ARHGAP17: variants seen among roughly 807,000 people sequenced by gnomAD.
ARHGAP17 encodes Rho GTPase activating protein 17.
ARHGAP17 carries 57 observed loss-of-function variants against 99.5 expected under a neutral mutation model. The observed-to-expected ratio is 0.57, with a 90% CI of 0.46 to 0.71. The LOEUF is 0.71. ARHGAP17 is among the 30% of genes least tolerant of loss of function. ARHGAP17 has a pLI of 0.00. For synonymous variants in ARHGAP17, 417 were observed against 429.6 expected (o/e 0.97, Z 0.36); for missense variants, 1,000 against 1,122.4 (o/e 0.89, Z 1.56).
rs1343285910 is a variant in ARHGAP17, at chr16:24,968,687, C to T, written c.358G>A (p.Val120Met). ...QHEVFVEKEI[V>M]DPLYGIAEVE... ...TCAGCTATGCCGTACAGAGGGTCCA[C>T]GATCTCCTTCTCAACAAAGACTTCG... Residue 120 changes from valine to methionine, a missense_variant, in exon 5 of 20, where the codon GTG (valine) becomes ATG (methionine). By Grantham distance (21) the Val-to-Met change is conservative. Transcript: ENST00000289968. The T allele has an allele frequency of 3.7e-6, 6 of 1,614,202 alleles. No individual in the cohort carries two copies. Among genetic ancestry groups the T allele is most frequent in the South Asian group, 1.1e-5 (1 of 91,082 alleles).
chr16:24,949,352 G>T, intron 13 of ARHGAP17, 52 bp downstream of exon 13: 1 of 1,407,882 alleles, frequency 7.1e-7, no homozygotes, highest in South Asian at 1.2e-5. Flanking sequence ...CTTCTCTGCT[G>T]GGCATTAAAC....
Position 24,943,425 on chromosome 16 carries a change from C to T in ARHGAP17, c.1333+346G>A, listed in dbSNP as rs575197884. Among the ~76,000 whole-genome samples, 4 of 152,326 alleles carry T rather than the reference C, an allele frequency of 2.6e-5. No homozygotes were observed. The South Asian group carries it at 8.3e-4, about 32-fold the overall frequency. Reference sequence around the variant, plus strand: ...AAATCTTTCTCCATCCACCTATCTTCTAATGTGCCTTGTGTTATAATTTAT... The same window carrying T: ...AAATCTTTCTCCATCCACCTATCTTTTAATGTGCCTTGTGTTATAATTTAT... On this transcript the variant is annotated intron_variant, in intron 15 of 19. Transcript: ENST00000289968.
At chr16:24,985,970 T>C (rs1399309854) in intron 1 of ARHGAP17, among the ~76,000 whole-genome samples, 1 of 152,174 alleles carries the variant, frequency 6.6e-6, no homozygotes, top group Non-Finnish European at 1.5e-5. Context: ...ATTCTGTGGA[T>C]ATACCATGTT....
intron 16 of ARHGAP17, among the ~76,000 whole-genome samples, chr16:24,940,690 G>C (rs2051288112): frequency 6.6e-6 from 1 of 152,030 alleles, no homozygotes; most frequent in African/African-American, 2.4e-5. Context: ...ACATAACCCT[G>C]TCTCAAAAAA....
Position 24,931,170 on chromosome 16 carries a change from G to C in ARHGAP17, c.2129C>G (p.Ala710Gly), listed in dbSNP as rs2050978576. 3 of 1,594,074 alleles carry C rather than the reference G, an allele frequency of 1.9e-6. No homozygotes were observed. The highest frequency in any genetic ancestry group is 2.6e-6 in the Non-Finnish European group (3 of 1,170,580). ...GGGCTGCGGCGGTGGGTGATTGGGA[G>C]CTTGGATTGGAGACAAGCTGCTGGA... is the stretch of plus-strand genomic sequence containing the variant. ...RYSSSLSPIQ[A>G]PNHPPPQPPT... Residue 710 changes from alanine to glycine, a missense_variant, in exon 19 of 20, where the codon GCT becomes GGT. Around this residue, in one of 2 missense-constraint regions of ARHGAP17, gnomAD observed 528 missense variants for 511.4 expected, o/e 1.03. Transcript: ENST00000289968.
chr16:24,925,502 G>A (rs1450793292), intron 19 of ARHGAP17, among the ~76,000 whole-genome samples: 1 of 152,158 alleles, frequency 6.6e-6, no homozygotes, highest in Non-Finnish European at 1.5e-5. Context: ...CAGTTTTCTA[G>A]GGCTATTAGA....
intron 14 of ARHGAP17, among the ~76,000 whole-genome samples, chr16:24,945,343 AAAGAAG>A (rs199638888): frequency 1.4e-4 from 21 of 151,102 alleles, no homozygotes; most frequent in Admixed American, 5.9e-4. Flanking sequence ...AGAAAGGAAG[AAAGAAG>A]AAGAAGAAGA....
chr16:24,929,628 C>G lies in ARHGAP17; in HGVS notation c.2515+1156G>C, dbSNP rs994041424. 5.1e-6 allele frequency: 5 copies of G among 987,802 alleles called. No individual in the cohort carries two copies. In the African/African-American group the frequency reaches 7.0e-5, roughly 14 times the overall value. The allele number at this position is 987,802 out of a possible 1,614,324, so 61.2% of individuals were successfully genotyped here. On this transcript the variant is annotated intron_variant, in intron 19 of 19. Transcript: ENST00000289968. ...CATTACAGACCTTAGTCCTGGAAAC[C>G]TTCCCCACCTGTGAGGGCACTAGGA...
chr16:24,974,876 G>A (rs2052469546), intron 3 of ARHGAP17, among the ~76,000 whole-genome samples: 1 of 152,240 alleles, frequency 6.6e-6, no homozygotes, highest in Admixed American at 6.5e-5. Flanking sequence ...GCCCAGCACA[G>A]TAGCTCATGC....
chr16:24,972,413 C>A (rs2052393572), intron 3 of ARHGAP17, among the ~76,000 whole-genome samples: 1 of 152,148 alleles, frequency 6.6e-6, no homozygotes, highest in Non-Finnish European at 1.5e-5. Flanking sequence ...GAGACAAGGT[C>A]TCACTATGTT....
At position 24,954,591 on chromosome 16, in the gene ARHGAP17, A is replaced by T; in HGVS notation, c.852+12T>A. ...GGAGACTTGGTGCACAGGATCACGAAGCTCCCCTCACCTCCTCCTTCATGC... is the reference window on the plus strand; with the variant it reads ...GGAGACTTGGTGCACAGGATCACGATGCTCCCCTCACCTCCTCCTTCATGC... On this transcript the variant is annotated intron_variant, in intron 10 of 19. Transcript: ENST00000289968. The T allele has an allele frequency of 6.2e-7, 1 of 1,610,664 alleles. No individual in the cohort carries two copies.
intron 1 of ARHGAP17, among the ~76,000 whole-genome samples, chr16:25,002,990 G>A (rs2053405513): frequency 8.4e-6 from 1 of 119,336 alleles, no homozygotes; most frequent in Non-Finnish European, 1.6e-5. Context: ...AGTGAGCCGA[G>A]ATTATGCCAC....
At chr16:24,932,727 G>C (rs1393845986) in intron 18 of ARHGAP17, among the ~76,000 whole-genome samples, 1 of 152,076 alleles carries the variant, frequency 6.6e-6, no homozygotes, top group African/African-American at 2.4e-5. Context: ...CACCAGCTGA[G>C]ATCAGGGATA....
rs757572715 is a variant in ARHGAP17, at chr16:24,977,310, G to A, written c.103C>T (p.Arg35Cys). ...CATATTGACCGCACCGTGTCCAGGC[G>A]TCTCTCAATCTGACAAGGCAGAGAC... Reference protein sequence around the residue: ...LSEDLLQIERRLDTVRSICHH... With the variant: ...LSEDLLQIERCLDTVRSICHH... Residue 35 changes from arginine to cysteine, a missense_variant, in exon 3 of 20, where the codon CGC becomes TGC. Physicochemically the swap from Arg to Cys is radical, Grantham distance 180. Transcript: ENST00000289968. 6.3e-6 allele frequency: 10 copies of A among 1,583,162 alleles called. No homozygotes were observed. Among genetic ancestry groups the A allele is most frequent in the East Asian group, 2.3e-5 (1 of 43,946 alleles).
intron 1 of ARHGAP17, among the ~76,000 whole-genome samples, chr16:24,980,147 A>G (rs1356019959): frequency 6.6e-6 from 1 of 152,284 alleles, no homozygotes; most frequent in East Asian, 1.9e-4. Flanking sequence ...ATGCAAGAGC[A>G]GGAAAAGCTC....
chr16:24,973,272 C>T (rs1417128643), intron 3 of ARHGAP17, among the ~76,000 whole-genome samples: 2 of 152,204 alleles, frequency 1.3e-5, no homozygotes, highest in Non-Finnish European at 2.9e-5. Context: ...GGCTGGGCTG[C>T]AAAGGTCACC....
intron 19 of ARHGAP17, among the ~76,000 whole-genome samples, chr16:24,921,184 C>T (rs1258176663): frequency 6.6e-6 from 1 of 152,164 alleles, no homozygotes; most frequent in Admixed American, 6.5e-5. Context: ...GGCACAGCCT[C>T]AATGAAGCCC....
intron 6 of ARHGAP17, among the ~76,000 whole-genome samples, chr16:24,964,704 C>T (rs1368675965): frequency 6.6e-6 from 1 of 152,196 alleles, no homozygotes; most frequent in Non-Finnish European, 1.5e-5. Context: ...GTTCCCTGTG[C>T]CACTGGGAAT....
intron 14 of ARHGAP17, 117 bp from the exon 15 acceptor site, chr16:24,943,979 A>T: frequency 1.0e-6 from 1 of 987,414 alleles, no homozygotes; most frequent in South Asian, 1.4e-5. Context: ...AGATGCAAAA[A>T]TCAAAATCAC....
Sources: gnomAD v4.1 joint callset for allele counts (sites outside exome capture counted in the v4.1 genomes callset) on GRCh38, gnomAD v4.1.1 for gene constraint, gnomAD v4.1.1 regional missense constraint, MANE v1.5 for transcripts, NCBI Gene and HGNC (gene_info 2026-07-23, HGNC 2026-07-21) for gene names.